The following ADGRB3 variants were observed in gnomAD, a reference collection of about 807,000 sequenced individuals.
ADGRB3 encodes the protein adhesion G protein-coupled receptor B3.
Under a neutral mutation model 193.4 loss-of-function variants are expected in ADGRB3, and 37 were observed. That is an observed-to-expected ratio of 0.19 (90% CI 0.15 to 0.25). The LOEUF is 0.25. Ranked by LOEUF, ADGRB3 falls within the 10% of genes least tolerant of loss-of-function variation. The probability of loss-of-function intolerance (pLI) is 1.00; values close to 1 mark genes in which losing one functional copy is unlikely to be tolerated. For synonymous variants in ADGRB3, 690 were observed against 644.2 expected (o/e 1.07, Z -1.08); for missense variants, 1,637 against 1,852.9 (o/e 0.88, Z 2.14).
chr6:69,209,726 G>A (rs940384077), intron 17 of ADGRB3, among the ~76,000 whole-genome samples: 3 of 152,150 alleles, frequency 2.0e-5, no homozygotes, highest in Non-Finnish European at 4.4e-5. Context: ...GGAGAAATAG[G>A]CATTTGCCAA....
At chr6:68,851,430 A>G (rs1050470164) in intron 3 of ADGRB3, among the ~76,000 whole-genome samples, 2 of 151,880 alleles carry the variant, frequency 1.3e-5, no homozygotes, top group Non-Finnish European at 2.9e-5. Flanking sequence ...TATTTTAGCT[A>G]TTTTAACCAA....
chr6:69,331,749 T>G, intron 23 of ADGRB3: 1 of 985,156 alleles, frequency 1.0e-6, no homozygotes, highest in Non-Finnish European at 1.2e-6. Context: ...AGAAACACAG[T>G]GTGTATATAA....
chr6:68,659,682 G>A (rs760392847), intron 3 of ADGRB3, among the ~76,000 whole-genome samples: 1 of 150,652 alleles, frequency 6.6e-6, no homozygotes, highest in Non-Finnish European at 1.5e-5. Flanking sequence ...TATATCATGC[G>A]AATTATGTGA....
intron 6 of ADGRB3, among the ~76,000 whole-genome samples, chr6:68,948,797 A>C (rs1767840333): frequency 6.6e-6 from 1 of 152,114 alleles, no homozygotes; most frequent in Admixed American, 6.6e-5. Context: ...AAAATAAATG[A>C]AAGTTCTATT....
intron 13 of ADGRB3, among the ~76,000 whole-genome samples, chr6:69,045,932 A>T (rs1771224097): frequency 6.6e-6 from 1 of 152,148 alleles, no homozygotes; most frequent in Admixed American, 6.5e-5. Flanking sequence ...TAATTTATAT[A>T]ATCATAATTT....
intron 17 of ADGRB3, among the ~76,000 whole-genome samples, chr6:69,176,868 G>A (rs573663322): frequency 3.9e-4 from 60 of 152,216 alleles, no homozygotes; most frequent in African/African-American, 1.4e-3. Context: ...GACATTGTAT[G>A]CTTCTAGGAA....
At chr6:68,655,010 A>G (rs888437279) in intron 3 of ADGRB3, among the ~76,000 whole-genome samples, 1 of 151,566 alleles carries the variant, frequency 6.6e-6, no homozygotes, top group South Asian at 2.1e-4. Context: ...TTAGTTTTAC[A>G]TTTCTGAGGA....
chr6:69,050,125 T>G (rs1771349530), intron 15 of ADGRB3, among the ~76,000 whole-genome samples: 1 of 152,208 alleles, frequency 6.6e-6, no homozygotes, highest in African/African-American at 2.4e-5. Flanking sequence ...AAATAAAGCT[T>G]TACATTTTTG....
intron 17 of ADGRB3, among the ~76,000 whole-genome samples, chr6:69,135,527 A>G (rs1774125979): frequency 6.6e-6 from 1 of 152,030 alleles, no homozygotes; most frequent in Non-Finnish European, 1.5e-5. Context: ...ATTAATTTCT[A>G]TGTATGATTT....
At chr6:68,899,855 A>C (rs1262426754) in intron 3 of ADGRB3, among the ~76,000 whole-genome samples, 1 of 152,118 alleles carries the variant, frequency 6.6e-6, no homozygotes, top group African/African-American at 2.4e-5. Context: ...ATTACTAAAC[A>C]ATGTGTTAGA....
At chr6:69,361,622 G>T in intron 29 of ADGRB3, 110 bp downstream of exon 29, 1 of 1,283,738 alleles carries the variant, frequency 7.8e-7, no homozygotes, top group Admixed American at 2.6e-5. Context: ...TGTGGGAAGA[G>T]AAGATTCACA....
chr6:69,275,438 G>A (rs1286923406), intron 20 of ADGRB3, among the ~76,000 whole-genome samples: 4 of 152,224 alleles, frequency 2.6e-5, no homozygotes, highest in South Asian at 2.1e-4. Context: ...CATTGGCCTA[G>A]AGATTTTAAC....
At chr6:69,267,170 A>C (rs778163063) in intron 20 of ADGRB3, among the ~76,000 whole-genome samples, 1 of 151,970 alleles carries the variant, frequency 6.6e-6, no homozygotes, top group Non-Finnish European at 1.5e-5. Context: ...TGATTCTGAC[A>C]ATTTTCACAT....
At chr6:68,845,808 A>G (rs928566458) in intron 3 of ADGRB3, among the ~76,000 whole-genome samples, 1 of 152,154 alleles carries the variant, frequency 6.6e-6, no homozygotes, top group Non-Finnish European at 1.5e-5. Flanking sequence ...CATTGTGAAA[A>G]TGAAATACTA....
intron 3 of ADGRB3, among the ~76,000 whole-genome samples, chr6:68,851,596 A>G (rs73747807): frequency 0.031 from 4,784 of 151,898 alleles, 226 homozygotes; most frequent in African/African-American, 0.11. Flanking sequence ...AAATGATACA[A>G]AATTACCCTG....
intron 17 of ADGRB3, among the ~76,000 whole-genome samples, chr6:69,218,922 TA>T (rs1765830311): frequency 6.6e-6 from 1 of 152,124 alleles, no homozygotes; most frequent in Non-Finnish European, 1.5e-5. Flanking sequence ...CTCTCATTTG[TA>T]AAAAGGTACA....
intron 3 of ADGRB3, among the ~76,000 whole-genome samples, chr6:68,671,456 T>TA (rs2127294189): frequency 6.6e-6 from 1 of 152,182 alleles, no homozygotes; most frequent in Non-Finnish European, 1.5e-5. Flanking sequence ...TGAGGGTTTT[T>TA]ATCATGAAGG....
intron 26 of ADGRB3, among the ~76,000 whole-genome samples, chr6:69,341,330 T>C (rs1768969205): frequency 6.6e-6 from 1 of 152,232 alleles, no homozygotes; most frequent in African/African-American, 2.4e-5. Context: ...AGATGGTATT[T>C]CATTGTGGTT....
intron 16 of ADGRB3, among the ~76,000 whole-genome samples, chr6:69,068,981 A>G (rs577009926): frequency 6.0e-4 from 92 of 152,250 alleles, no homozygotes; most frequent in Middle Eastern, 3.4e-3. Context: ...TGTGATGAGA[A>G]TCCTCATAAA....
Sources: allele counts gnomAD v4.1 joint callset (sites outside exome capture counted in the v4.1 genomes callset), GRCh38; gene constraint gnomAD v4.1.1; transcripts MANE v1.5; gene names NCBI Gene and HGNC (gene_info 2026-07-23, HGNC 2026-07-21).